Variants in SPECC1 observed in about 807,000 individuals in gnomAD.
SPECC1 encodes cytospin-B.
Under a neutral mutation model 104.1 loss-of-function variants are expected in SPECC1, and 62 were observed. The ratio of observed to expected loss-of-function variants is 0.60; its 90% CI spans 0.49 to 0.74. SPECC1 has a LOEUF of 0.74. SPECC1 is among the 30% of genes least tolerant of loss of function. SPECC1 has a pLI of 0.00. For missense variants in SPECC1, 1,306 were observed against 1,310.5 expected, an observed-to-expected ratio of 1.00 and a Z score of 0.05; for synonymous variants, 513 against 501.6, an observed-to-expected ratio of 1.02 and a Z score of -0.30.
chr17:20,231,374 T>C (rs1436737307), intron 5 of SPECC1, among the ~76,000 whole-genome samples: 1 of 152,244 alleles, frequency 6.6e-6, no homozygotes, highest in Non-Finnish European at 1.5e-5. Flanking sequence ...TGAAAGCCTC[T>C]ATCTCACAGC....
intron 13 of SPECC1, among the ~76,000 whole-genome samples, chr17:20,299,327 G>A (rs987525197): frequency 6.6e-6 from 1 of 151,984 alleles, no homozygotes; most frequent in African/African-American, 2.4e-5. Context: ...GCTGAGACAG[G>A]AGGATCACTT....
intron 12 of SPECC1, among the ~76,000 whole-genome samples, chr17:20,263,970 G>A (rs985742484): frequency 6.6e-6 from 1 of 152,144 alleles, no homozygotes; most frequent in African/African-American, 2.4e-5. Flanking sequence ...CATTTTGCCT[G>A]TAGTACTTTT....
chr17:20,150,564 G>A (rs556573066), intron 3 of SPECC1, among the ~76,000 whole-genome samples: 2 of 151,630 alleles, frequency 1.3e-5, no homozygotes, highest in African/African-American at 2.4e-5. Flanking sequence ...GCTTGAACTC[G>A]GGAGGCGGAG....
At chr17:20,249,497 A>G (rs1171260639) in intron 9 of SPECC1, among the ~76,000 whole-genome samples, 1 of 152,226 alleles carries the variant, frequency 6.6e-6, no homozygotes, top group Admixed American at 6.5e-5. Context: ...GAAAAAATAG[A>G]CAATAGAAAC....
At chr17:20,161,693 T>C (rs971139796) in intron 3 of SPECC1, among the ~76,000 whole-genome samples, 3 of 152,196 alleles carry the variant, frequency 2.0e-5, no homozygotes, top group Non-Finnish European at 4.4e-5. Flanking sequence ...ATCCTGTTAC[T>C]CAGTTTCTGT....
chr17:20,116,657 A>T (rs1171104094), intron 3 of SPECC1, among the ~76,000 whole-genome samples: 1 of 152,134 alleles, frequency 6.6e-6, no homozygotes, highest in Non-Finnish European at 1.5e-5. Context: ...TTATTCTAAG[A>T]ATTCCTTTTC....
chr17:20,224,673 G>C (rs1459535995), intron 4 of SPECC1, among the ~76,000 whole-genome samples: 1 of 152,150 alleles, frequency 6.6e-6, no homozygotes, highest in African/African-American at 2.4e-5. Context: ...CAGGGCCCAA[G>C]TTCTCTTTAG....
At chr17:20,217,797 C>G (rs2037599066) in intron 4 of SPECC1, among the ~76,000 whole-genome samples, 4 of 152,164 alleles carry the variant, frequency 2.6e-5, no homozygotes. Flanking sequence ...TGCCTGTAAT[C>G]CCAGCACTTG....
At chr17:20,284,195 C>G (rs1433054273) in intron 12 of SPECC1, among the ~76,000 whole-genome samples, 1 of 152,202 alleles carries the variant, frequency 6.6e-6, no homozygotes, top group East Asian at 1.9e-4. Flanking sequence ...TGATGGCCAG[C>G]TCACCAGCTC....
chr17:20,086,886 C>T (rs987777312), intron 1 of SPECC1: 1 of 152,246 alleles, frequency 6.6e-6, no homozygotes, highest in African/African-American at 2.4e-5. Flanking sequence ...CCCTGCAGTT[C>T]TTGCATTGTT....
At chr17:20,018,174 C>G (rs1486775727) in intron 1 of SPECC1, 1 of 152,196 alleles carries the variant, frequency 6.6e-6, no homozygotes, top group Non-Finnish European at 1.5e-5. Context: ...AAACCTGTTA[C>G]CATTTCCTTC....
chr17:20,063,365 T>G (rs2046254703), intron 1 of SPECC1, among the ~76,000 whole-genome samples: 1 of 152,150 alleles, frequency 6.6e-6, no homozygotes, highest in South Asian at 2.1e-4. Flanking sequence ...TTACAAATCC[T>G]TATATGTAAT....
chr17:20,203,500 A>G (rs186459386), intron 3 of SPECC1, among the ~76,000 whole-genome samples: 78 of 152,346 alleles, frequency 5.1e-4, no homozygotes, highest in African/African-American at 1.8e-3. Context: ...GTCAAGTAAC[A>G]TAGGTATGTT....
chr17:20,152,174 C>T (rs1439339268), intron 3 of SPECC1, among the ~76,000 whole-genome samples: 1 of 152,136 alleles, frequency 6.6e-6, no homozygotes, highest in Non-Finnish European at 1.5e-5. Context: ...GTAGCATGCA[C>T]CTGTAATCCC....
intron 12 of SPECC1, among the ~76,000 whole-genome samples, chr17:20,288,771 CTTTTTTTTTTTTTTT>C (rs60578647): frequency 3.7e-4 from 27 of 73,736 alleles, no homozygotes; most frequent in African/African-American, 1.5e-3. Context: ...AAGGGCACTT[CTTTTTTTTTTTTTTT>C]TTTTTTTTTT....
At chr17:20,254,812 G>T (rs183053760) in intron 10 of SPECC1, among the ~76,000 whole-genome samples, 277 of 152,044 alleles carry the variant, frequency 1.8e-3, no homozygotes, top group Non-Finnish European at 3.0e-3. Context: ...TTTAGATCTT[G>T]GTCAAACACA....
rs927012171 is a variant in SPECC1, at chr17:20,316,679, T to C, written c.*2614T>C. ...GCCACTGAGCCCGGCTGTTTTTTTG[T>C]GTTTTTTTTGTTGTTGTTTGTTTGT... is the stretch of plus-strand genomic sequence containing the variant. On this transcript the variant is annotated 3_prime_UTR_variant, in exon 15 of 15. Coordinates refer to ENST00000395527, the MANE Select transcript of SPECC1 (RefSeq NM_001243439.2). 5.7e-5 allele frequency: 10 copies of C among 175,158 alleles called. No homozygotes were observed. The highest frequency in any genetic ancestry group is 4.0e-3 in the Middle Eastern group (2 of 494). The allele number at this position is 175,158 out of a possible 1,614,324, so 10.9% of individuals were successfully genotyped here. A position where few individuals can be genotyped will look rare whatever the true frequency, so the allele number is the denominator to read the frequency against.
At chr17:20,077,584 A>C (rs1282676866) in intron 1 of SPECC1, among the ~76,000 whole-genome samples, 1 of 152,034 alleles carries the variant, frequency 6.6e-6, no homozygotes, top group African/African-American at 2.4e-5. Flanking sequence ...CTCCTGCCTC[A>C]GCCTCTCGAG....
intron 12 of SPECC1, among the ~76,000 whole-genome samples, chr17:20,287,289 C>T (rs528923414): frequency 2.6e-5 from 4 of 151,878 alleles, no homozygotes; most frequent in Admixed American, 6.6e-5. Flanking sequence ...CGGTGGCGGG[C>T]GCCTGTAGTC....
Sources: allele counts gnomAD v4.1 joint callset (sites outside exome capture counted in the v4.1 genomes callset), GRCh38; gene constraint gnomAD v4.1.1; transcripts MANE v1.5; gene names NCBI Gene and HGNC (gene_info 2026-07-23, HGNC 2026-07-21).